Variants in CIAO1 observed in about 807,000 individuals in gnomAD.
The protein encoded by CIAO1 is probable cytosolic iron-sulfur protein assembly protein CIAO1.
CIAO1 carries 32 observed loss-of-function variants against 43.1 expected under a neutral mutation model. The observed-to-expected ratio is 0.74, with a 90% CI of 0.56 to 1.00. The LOEUF is 1.00. Among genes scored for constraint, CIAO1 ranks in the 50% least tolerant of loss-of-function variants. The probability of loss-of-function intolerance (pLI) is 0.00; values close to 1 mark genes in which losing one functional copy is unlikely to be tolerated. For synonymous variants in CIAO1, 183 were observed against 171.4 expected, an observed-to-expected ratio of 1.07 and a Z score of -0.53; for missense variants, 415 against 437.4, an observed-to-expected ratio of 0.95 and a Z score of 0.46.
chr2:96,271,239 C>G lies in CIAO1; in HGVS notation c.908C>G (p.Ser303Cys), dbSNP rs1243049099. 2 of 1,614,266 alleles carry G rather than the reference C, an allele frequency of 1.2e-6. No individual in the cohort carries two copies. Among genetic ancestry groups the G allele is most frequent in the East Asian group, 4.5e-5 (2 of 44,892 alleles). Residue 303 changes from serine to cysteine, a missense_variant, in exon 7 of 7, where the codon TCC becomes TGC. Transcript: ENST00000488633. ...SLTAHLHQAH[S>C]QDVNCVAWNP... ...ACAGCCCACTTGCATCAGGCCCATT[C>G]CCAGGATGTCAACTGTGTGGCCTGG... is the stretch of plus-strand genomic sequence containing the variant.
chr2:96,267,603 C>G (rs1287522760), intron 2 of CIAO1, 22 bp from the exon 3 acceptor site: 1 of 1,612,120 alleles, frequency 6.2e-7, no homozygotes, highest in Admixed American at 1.7e-5. Flanking sequence ...TGTTAATTCT[C>G]ATTTTCTTTC....
chr2:96,267,082 C>A (rs1684446105), intron 1 of CIAO1, among the ~76,000 whole-genome samples: 1 of 130,424 alleles, frequency 7.7e-6, no homozygotes, highest in South Asian at 2.7e-4. Context: ...TGCAGTGAGC[C>A]GAGATTGTGC....
In CIAO1 at chr2:96,268,661, G is replaced by C; in HGVS notation, c.691+3G>C. 6.2e-7 allele frequency: 1 copy of C among 1,614,102 alleles called. No individual in the cohort carries two copies. Among genetic ancestry groups the C allele is most frequent in the East Asian group, 2.2e-5 (1 of 44,890 alleles). ...GTATCTACCAGGCAATGAACAAGGT[G>C]AGGTCCATTAGTAGAGCTAAAGAAG... On this transcript the variant is annotated splice_donor_region_variant and intron_variant, in intron 5 of 6. Coordinates refer to ENST00000488633, the MANE Select transcript of CIAO1 (RefSeq NM_004804.3).
Position 96,271,306 on chromosome 2 carries a change from TG to T in CIAO1, c.979del (p.Glu327ArgfsTer22). 1 of 1,614,198 alleles carries T rather than the reference TG, an allele frequency of 6.2e-7. No individual in the cohort carries two copies. Among genetic ancestry groups the T allele is most frequent in the Non-Finnish European group, 8.5e-7 (1 of 1,180,032 alleles). ...GGCTACTGGCCTCCTGCAGTGATGA[TG>T]GGGAGGTGGCCTTCTGGAAGTATCA... ...PGLLASCSDD[G>X]EVAFWKYQRP... On this transcript the variant is annotated frameshift_variant, in exon 7 of 7. Coordinates refer to ENST00000488633, the MANE Select transcript of CIAO1 (RefSeq NM_004804.3). LOFTEE classifies it high-confidence loss of function.
Position 96,266,247 on chromosome 2 carries a change from G to C in CIAO1, c.-104G>C, listed in dbSNP as rs1684425238. The C allele has an allele frequency of 8.1e-7, 1 of 1,227,390 alleles. No homozygotes were observed. Among genetic ancestry groups the C allele is most frequent in the African/African-American group, 1.6e-5 (1 of 63,896 alleles). The allele number at this position is 1,227,390 out of a possible 1,614,324, so 76.0% of individuals were successfully genotyped here. A position where few individuals can be genotyped will look rare whatever the true frequency, so the allele number is the denominator to read the frequency against. ...TCCGGCGGAAGCGGGAGCCTCTGTC[G>C]GCCGCGGAAGCCTGGAGTGGGCGGT... On this transcript the variant is annotated 5_prime_UTR_variant, in exon 1 of 7. Transcript: ENST00000488633.
chr2:96,272,613 C>A lies in CIAO1; in HGVS notation c.*1262C>A, dbSNP rs1684574584. On this transcript the variant is annotated 3_prime_UTR_variant, in exon 7 of 7. Transcript: ENST00000488633. Reference sequence around the variant, plus strand: ...ATCACCTGAGGTCGGGAGTTCGAGGCCAGCCTGACCAACATGGAGAAACCC... The same window carrying A: ...ATCACCTGAGGTCGGGAGTTCGAGGACAGCCTGACCAACATGGAGAAACCC... 1 of 152,148 alleles carries A rather than the reference C, an allele frequency of 6.6e-6. No homozygotes were observed. Among genetic ancestry groups the A allele is most frequent in the African/African-American group, 2.4e-5 (1 of 41,416 alleles). 9.4% of individuals were successfully genotyped at this position (152,148 alleles called of 1,614,324 possible). A position where few individuals can be genotyped will look rare whatever the true frequency, so the allele number is the denominator to read the frequency against.
In CIAO1 at chr2:96,272,677, GTGCATGCCTGTAATTCCAGCTAC is replaced by G. The variant is rs1684576625; in HGVS notation, c.*1328_*1350del. On this transcript the variant is annotated 3_prime_UTR_variant, in exon 7 of 7. Transcript: ENST00000488633. ...AATACAAAATTAGCTGGGCATGGTG[GTGCATGCCTGTAATTCCAGCTAC>G]TCGGGAGGCTGAGGCAAGAGAATCG... The G allele has an allele frequency of 1.3e-5, 2 of 152,172 alleles. No homozygotes were observed. The highest frequency in any genetic ancestry group is 2.9e-5 in the Non-Finnish European group (2 of 68,068). The allele number at this position is 152,172 out of a possible 1,614,324, so 9.4% of individuals were successfully genotyped here. A position where few individuals can be genotyped will look rare whatever the true frequency, so the allele number is the denominator to read the frequency against.
intron 5 of CIAO1, chr2:96,268,900 A>G: frequency 1.7e-6 from 1 of 572,432 alleles, no homozygotes. Flanking sequence ...AAAACTCAAC[A>G]GTGTGAGTAA....
chr2:96,270,948 T>C (rs974661045), intron 6 of CIAO1, among the ~76,000 whole-genome samples, 163 bp from the exon 7 acceptor site: 2 of 152,260 alleles, frequency 1.3e-5, no homozygotes, highest in East Asian at 1.9e-4. Flanking sequence ...TCTGAAGATA[T>C]AAGTGGGTGA....
Position 96,267,631 on chromosome 2 carries a change from A to AGGC in CIAO1, c.295_296insGGC (p.Thr99delinsArgPro), listed in dbSNP as rs1346277268. On this transcript the variant is annotated protein_altering_variant, in exon 3 of 7. Coordinates refer to ENST00000488633, the MANE Select transcript of CIAO1 (RefSeq NM_004804.3). ...TTTCTTTCCCCTTTCACAGTGTGTA[A>AGGC]CCACTCTCGAGGGCCATGAAAATGA... is the stretch of plus-strand genomic sequence containing the variant. The AGGC allele has an allele frequency of 1.9e-6, 3 of 1,613,812 alleles. No homozygotes were observed. The Admixed American group carries it at 5.0e-5, about 27-fold the overall frequency.
rs1437924894 is a variant in CIAO1 at position 96,271,625 on chromosome 2, A to G, written c.*274A>G. 4.9e-6 allele frequency: 2 copies of G among 406,912 alleles called. No homozygotes were observed. The highest frequency in any genetic ancestry group is 5.6e-5 in the South Asian group (2 of 36,026). 25.2% of individuals were successfully genotyped at this position (406,912 alleles called of 1,614,324 possible). On this transcript the variant is annotated 3_prime_UTR_variant, in exon 7 of 7. Coordinates refer to ENST00000488633, the MANE Select transcript of CIAO1 (RefSeq NM_004804.3). ...AGTGTTAAATTTTTTGGAGGTAAATATACTATTTATAATCACTATATATAG... is the reference window on the plus strand; with the variant it reads ...AGTGTTAAATTTTTTGGAGGTAAATGTACTATTTATAATCACTATATATAG...
intron 6 of CIAO1, among the ~76,000 whole-genome samples, chr2:96,270,514 A>G (rs1416789170): frequency 6.6e-6 from 1 of 151,344 alleles, no homozygotes; most frequent in African/African-American, 2.4e-5. Context: ...AAAAAAAAAA[A>G]AAACTTTATG....
Position 96,267,749 on chromosome 2 carries a change from C to G in CIAO1, c.400+13C>G. ...TGGGTCTGGGAAGGTGAGGCCAGGTCCCTCCAGGTGGATTGGGAACCACCT... is the reference window on the plus strand; with the variant it reads ...TGGGTCTGGGAAGGTGAGGCCAGGTGCCTCCAGGTGGATTGGGAACCACCT... On this transcript the variant is annotated intron_variant, in intron 3 of 6. Transcript: ENST00000488633. 1.9e-6 allele frequency: 3 copies of G among 1,613,622 alleles called. No homozygotes were observed. Among genetic ancestry groups the G allele is most frequent in the Non-Finnish European group, 2.5e-6 (3 of 1,179,534 alleles).
intron 2 of CIAO1, 63 bp downstream of exon 2, chr2:96,267,532 C>T (rs557531256): frequency 8.0e-5 from 129 of 1,609,104 alleles, no homozygotes; most frequent in Admixed American, 3.5e-4. Flanking sequence ...GTTCAGGAAC[C>T]TGAGCCAACC....
chr2:96,267,214 TC>T, intron 1 of CIAO1, 106 bp from the exon 2 acceptor site: 1 of 841,486 alleles, frequency 1.2e-6, no homozygotes, highest in South Asian at 1.8e-5. Flanking sequence ...TGAAATACAC[TC>T]CCTGAGCTTT....
intron 1 of CIAO1, 160 bp from the exon 2 acceptor site, chr2:96,267,156 AAAAAG>A: frequency 5.0e-6 from 3 of 595,796 alleles, no homozygotes; most frequent in Non-Finnish European, 7.9e-6. Flanking sequence ...AAAAAAAAAA[AAAAAG>A]CTTCCAGACG....
intron 5 of CIAO1, 145 bp downstream of exon 5, chr2:96,268,803 G>A: frequency 2.7e-6 from 2 of 749,506 alleles, no homozygotes; most frequent in Non-Finnish European, 4.3e-6. Flanking sequence ...GAAGAATCAG[G>A]AAAGTTTTGT....
chr2:96,266,488 G>A lies in CIAO1; in HGVS notation c.138G>A (p.Glu46=), dbSNP rs765093117. The A allele has an allele frequency of 6.5e-7, 1 of 1,534,934 alleles. No individual in the cohort carries two copies. The highest frequency in any genetic ancestry group is 8.8e-7 in the Non-Finnish European group (1 of 1,133,286). Residue 46 remains glutamate (E), a splice_region_variant and synonymous_variant, in exon 1 of 7, where the codon GAG becomes GAA. Transcript: ENST00000488633. ...GGAGAATCCGCATCTGGGGCACGGA[G>A]GGTAAGGCCCAGCCTGGTTGCGCGG... ...GDRRIRIWGT[E]GDSWICKSVL...
rs139726148 is a variant in CIAO1 at position 96,267,882 on chromosome 2, C to T, written c.447C>T (p.His149=). ...EYECVSVLNS[H]TQDVKHVVWH... is the part of the protein sequence containing the mutation. ...AATGTGTCAGTGTTCTCAACTCCCA[C>T]ACACAGGATGTCAAGCATGTGGTTT... Residue 149 remains histidine (H), a synonymous_variant, in exon 4 of 7, where the codon CAC becomes CAT. Transcript: ENST00000488633. The T allele has an allele frequency of 3.1e-5, 50 of 1,614,030 alleles. No individual in the cohort carries two copies. The highest frequency in any genetic ancestry group is 4.2e-5 in the Non-Finnish European group (50 of 1,180,024).
Sources: allele counts gnomAD v4.1 joint callset (sites outside exome capture counted in the v4.1 genomes callset), GRCh38; gene constraint gnomAD v4.1.1; transcripts MANE v1.5; gene names NCBI Gene and HGNC (gene_info 2026-07-23, HGNC 2026-07-21).